Variants in BRF2 observed in about 807,000 individuals in gnomAD.
BRF2 encodes the protein transcription factor IIIB 50 kDa subunit.
BRF2 carries 17 observed loss-of-function variants against 26.6 expected under a neutral mutation model. That is an observed-to-expected ratio of 0.64 (90% CI 0.44 to 0.96). The LOEUF is 0.96. Among genes scored for constraint, BRF2 ranks in the 40% least tolerant of loss-of-function variants. The probability of loss-of-function intolerance (pLI) is 0.00; values close to 1 mark genes in which losing one functional copy is unlikely to be tolerated. For synonymous variants in BRF2, 219 were observed against 226.6 expected, an observed-to-expected ratio of 0.97 and a Z score of 0.30; for missense variants, 515 against 537.0, an observed-to-expected ratio of 0.96 and a Z score of 0.40.
intron 3 of BRF2, 24 bp from the exon 4 acceptor site, chr8:37,845,237 G>A (rs1395625714): frequency 3.8e-6 from 6 of 1,583,464 alleles, no homozygotes; most frequent in African/African-American, 2.7e-5. Context: ...AATGAGGGTT[G>A]GATCTTAATG....
rs776267125 is a variant in BRF2 at position 37,847,143 on chromosome 8, G to C, written c.247C>G (p.Leu83Val). 6.2e-7 allele frequency: 1 copy of C among 1,614,158 alleles called. No homozygotes were observed. Among genetic ancestry groups the C allele is most frequent in the South Asian group, 1.1e-5 (1 of 91,076 alleles). Residue 83 changes from leucine (L) to valine (V), a missense_variant, in exon 3 of 4, where the codon CTG (leucine) becomes GTG (valine). Coordinates refer to ENST00000220659, the MANE Select transcript of BRF2 (RefSeq NM_018310.4). ...TCCTCAAATGTTGGTGGCAACTGCA[G>C]AACTCGACAAAGGTCTCTCACTCGC... is the stretch of plus-strand genomic sequence containing the variant. ...LRRVRDLCRV[L>V]QLPPTFEDTA...
chr8:37,845,854 C>T, intron 3 of BRF2: 1 of 591,994 alleles, frequency 1.7e-6, no homozygotes, highest in Non-Finnish European at 3.0e-6. Context: ...AACTAATATA[C>T]TTTCAGCTTC....
chr8:37,845,725 C>G, intron 3 of BRF2: 1 of 698,908 alleles, frequency 1.4e-6, no homozygotes, highest in Non-Finnish European at 2.6e-6. Context: ...TCGCTTGAGC[C>G]CATGAGTTCC....
chr8:37,847,879 G>A (rs1380299234), intron 2 of BRF2, among the ~76,000 whole-genome samples: 5 of 151,760 alleles, frequency 3.3e-5, no homozygotes, highest in African/African-American at 1.2e-4. Context: ...CAGCAATGCT[G>A]AAAATAGGAA....
Position 37,849,792 on chromosome 8 carries a change from C to A in BRF2, c.-9G>T. The A allele has an allele frequency of 6.2e-7, 1 of 1,603,196 alleles. No individual in the cohort carries two copies. The highest frequency in any genetic ancestry group is 2.3e-5 in the East Asian group (1 of 44,370). Reference sequence around the variant, plus strand: ...CGGCCTCTGCCTGGCATCTCACAACCGGCCCCAAAGCCGCGGAAGCCTTCA... The same window carrying A: ...CGGCCTCTGCCTGGCATCTCACAACAGGCCCCAAAGCCGCGGAAGCCTTCA... On this transcript the variant is annotated 5_prime_UTR_variant, in exon 1 of 4. Transcript: ENST00000220659.
At chr8:37,847,214 G>T in intron 2 of BRF2, 39 bp from the exon 3 acceptor site, 1 of 1,585,548 alleles carries the variant, frequency 6.3e-7, no homozygotes. Flanking sequence ...GGGGTCAAAG[G>T]AGCTATCGTG....
rs747154691 is a variant in BRF2, at chr8:37,846,775, A to C, written c.536+79T>G. 3.3e-4 allele frequency: 343 copies of C among 1,053,442 alleles called. 1 individual carries two copies. Among genetic ancestry groups the C allele is most frequent in the Non-Finnish European group, 4.6e-4 (330 of 717,854 alleles). The allele number at this position is 1,053,442 out of a possible 1,614,324, so 65.3% of individuals were successfully genotyped here. A position where few individuals can be genotyped will look rare whatever the true frequency, so the allele number is the denominator to read the frequency against. On this transcript the variant is annotated intron_variant, in intron 3 of 3. Coordinates refer to ENST00000220659, the MANE Select transcript of BRF2 (RefSeq NM_018310.4). ...AGAGCAAGACTCCAAGAAAAAAAAA[A>C]AGAGATGGCCAAAGGTCAAAGGATT... is the stretch of plus-strand genomic sequence containing the variant.
At chr8:37,848,724 C>T in intron 1 of BRF2, 69 bp from the exon 2 acceptor site, 3 of 1,282,580 alleles carry the variant, frequency 2.3e-6, no homozygotes, top group Non-Finnish European at 3.4e-6. Flanking sequence ...TCCCACCACA[C>T]AAAACCAGGA....
Position 37,845,106 on chromosome 8 carries a change from C to T in BRF2, c.644G>A (p.Trp215Ter). 1 of 1,613,902 alleles carries T rather than the reference C, an allele frequency of 6.2e-7. No homozygotes were observed. Among genetic ancestry groups the T allele is most frequent in the Non-Finnish European group, 8.5e-7 (1 of 1,180,042 alleles). ...CAAGGGATGCCTCCCGGTCACCAGC[C>T]ACGTCTCATTTGCCAGCTCCACCAA... ...MQLVELANETWLVTGRHPLPV... is the reference protein window; with the variant it reads ...MQLVELANET The change falls in exon 4 of 4, where the codon TGG (tryptophan) becomes TAG (stop). Residue 215 changes from tryptophan (W) to a stop codon, truncating the protein, a stop_gained. Transcript: ENST00000220659. LOFTEE classifies it low-confidence loss of function (END_TRUNC).
intron 2 of BRF2, 100 bp downstream of exon 2, chr8:37,848,496 C>A: frequency 9.3e-7 from 1 of 1,076,836 alleles, no homozygotes; most frequent in Non-Finnish European, 1.4e-6. Flanking sequence ...ATCCACCTGC[C>A]TAGGCCTCCC....
intron 3 of BRF2, 77 bp downstream of exon 3, chr8:37,846,776 AG>A: frequency 3.8e-6 from 4 of 1,045,018 alleles, no homozygotes; most frequent in Non-Finnish European, 5.6e-6. Flanking sequence ...AAAAAAAAAA[AG>A]AGATGGCCAA....
intron 1 of BRF2, 141 bp from the exon 2 acceptor site, chr8:37,848,796 A>G (rs1585417962): frequency 4.2e-6 from 3 of 718,306 alleles, no homozygotes; most frequent in African/African-American, 3.5e-5. Flanking sequence ...CTGGTTTTCT[A>G]TGTCTACAAG....
chr8:37,847,066 C>T lies in BRF2; in HGVS notation c.324G>A (p.Ala108=), dbSNP rs775102510. The change falls in exon 3 of 4, where the codon GCG becomes GCA. Residue 108 remains alanine (A), a synonymous_variant. Transcript: ENST00000220659. The stretch of plus-strand genomic sequence containing the variant: ...ACACCTCCTTCTTTTGCAGCCTGGC[C>T]GCTCGGATGCCAGAGTGCCGATATG... The part of the protein sequence containing the change: ...QQAYRHSGIR[A]ARLQKKEVLV... 9.3e-6 allele frequency: 15 copies of T among 1,614,088 alleles called. No homozygotes were observed. In the East Asian group the frequency reaches 1.1e-4, roughly 12 times the overall value.
intron 3 of BRF2, chr8:37,845,793 G>C (rs1439323303): frequency 4.8e-6 from 3 of 621,520 alleles, no homozygotes; most frequent in African/African-American, 3.8e-5. Context: ...AAGAGACCCT[G>C]TCTTTAAAAA....
intron 2 of BRF2, 50 bp downstream of exon 2, chr8:37,848,546 C>T: frequency 6.4e-7 from 1 of 1,562,646 alleles, no homozygotes; most frequent in South Asian, 1.1e-5. Flanking sequence ...AGCACCTGGC[C>T]TAGGATAGTT....
At position 37,844,436 on chromosome 8, in the gene BRF2, C is replaced by T. The variant is rs1805910019; in HGVS notation, c.*54G>A. On this transcript the variant is annotated 3_prime_UTR_variant, in exon 4 of 4. Coordinates refer to ENST00000220659, the MANE Select transcript of BRF2 (RefSeq NM_018310.4). ...TGTACACTTCCATCCTTGGTTATAA[C>T]AGGAATGTTATCAAGCTGTCAGAAC... 1.3e-6 allele frequency: 2 copies of T among 1,582,422 alleles called. No homozygotes were observed. Among genetic ancestry groups the T allele is most frequent in the African/African-American group, 1.3e-5 (1 of 74,462 alleles).
chr8:37,848,013 G>A (rs926021227), intron 2 of BRF2, among the ~76,000 whole-genome samples: 3 of 149,990 alleles, frequency 2.0e-5, no homozygotes, highest in Non-Finnish European at 4.4e-5. Flanking sequence ...GCTGTGGTGC[G>A]ATCTCGGCTC....
rs747587959 is a variant in BRF2, at chr8:37,848,584, G to A, written c.214+12C>T. The A allele has an allele frequency of 2.5e-6, 4 of 1,613,384 alleles. No individual in the cohort carries two copies. Among genetic ancestry groups the A allele is most frequent in the African/African-American group, 1.3e-5 (1 of 74,896 alleles). ...CTTTAAAGCCACTGTGTTGTAAAAG[G>A]TCAATTCTCACCTCGTTGCTGGCTG... On this transcript the variant is annotated intron_variant, in intron 2 of 3. Transcript: ENST00000220659.
Position 37,845,174 on chromosome 8 carries a change from T to TAA in BRF2, c.575_576insTT (p.Lys192AsnfsTer27). The TAA allele has an allele frequency of 6.2e-7, 1 of 1,612,888 alleles. No homozygotes were observed. The highest frequency in any genetic ancestry group is 8.5e-7 in the Non-Finnish European group (1 of 1,179,430). On this transcript the variant is annotated frameshift_variant, in exon 4 of 4. Coordinates refer to ENST00000220659, the MANE Select transcript of BRF2 (RefSeq NM_018310.4). LOFTEE classifies it low-confidence loss of function (END_TRUNC). ...GCATCTTCTCTTTGTCTTCCACGTA[T>TAA]TTGGCTGGCACAGAAGGTGAAGCTT...
Sources: allele counts gnomAD v4.1 joint callset (sites outside exome capture counted in the v4.1 genomes callset), GRCh38; gene constraint gnomAD v4.1.1; transcripts MANE v1.5; gene names NCBI Gene and HGNC (gene_info 2026-07-23, HGNC 2026-07-21).